SYNE2: variants seen among roughly 807,000 people sequenced by gnomAD.
SYNE2 encodes the protein spectrin repeat containing nuclear envelope protein 2, also known as nesprin-2.
Under a neutral mutation model 856.3 loss-of-function variants are expected in SYNE2, and 431 were observed. The ratio of observed to expected loss-of-function variants is 0.50; its 90% CI spans 0.47 to 0.55. SYNE2 has a LOEUF of 0.55. Ranked by LOEUF, SYNE2 falls within the 20% of genes least tolerant of loss-of-function variation. The pLI is 0.00. For synonymous variants in SYNE2, 2,923 were observed against 2,872.3 expected (o/e 1.02, Z -0.56); for missense variants, 8,129 against 8,023.2 (o/e 1.01, Z -0.50).
Position 64,212,791 on chromosome 14 carries a change from T to C in SYNE2, c.18862-20T>C, listed in dbSNP as rs1344379225. On this transcript the variant is annotated intron_variant, in intron 104 of 115. Transcript: ENST00000555002. ...CAGGGTAACTTTCTTTGAAATCCTT[T>C]CTTTCTCCTCTCTCAACAGGGCTTC... 1 of 1,613,244 alleles carries C rather than the reference T, an allele frequency of 6.2e-7. No homozygotes were observed. The highest frequency in any genetic ancestry group is 1.1e-5 in the South Asian group (1 of 91,074).
chr14:64,141,252 T>G (rs1482744807), intron 80 of SYNE2, 89 bp from the exon 81 acceptor site: 6 of 1,049,082 alleles, frequency 5.7e-6, no homozygotes, highest in Admixed American at 2.1e-5. Flanking sequence ...ATTTACTATG[T>G]TTATTTGTTG....
At chr14:63,910,413 TTATTG>T (rs1195103569) in intron 2 of SYNE2, among the ~76,000 whole-genome samples, 2 of 152,186 alleles carry the variant, frequency 1.3e-5, no homozygotes, top group African/African-American at 4.8e-5. Context: ...TTCAAAGTAA[TTATTG>T]TATACTTTGT....
At chr14:63,944,278 TTATATATATATATA>T (rs71123818) in intron 6 of SYNE2, among the ~76,000 whole-genome samples, 96,191 of 143,974 alleles carry the variant, frequency 0.67, 32,319 homozygotes, top group South Asian at 0.76. Flanking sequence ...TTCTGAATTT[TTATATATATATATA>T]TATATATATA....
intron 1 of SYNE2, among the ~76,000 whole-genome samples, chr14:63,773,164 T>C (rs925894139): frequency 6.6e-6 from 1 of 152,112 alleles, no homozygotes; most frequent in East Asian, 1.9e-4. Flanking sequence ...CTCCATTTTG[T>C]TATTATAAAT....
At chr14:63,854,753 T>C (rs1461657534) in intron 1 of SYNE2, among the ~76,000 whole-genome samples, 2 of 152,248 alleles carry the variant, frequency 1.3e-5, no homozygotes, top group African/African-American at 4.8e-5. Context: ...AGAAATTTTT[T>C]AGCATTTCAG....
chr14:64,066,622 T>G (rs1395905235), intron 51 of SYNE2, among the ~76,000 whole-genome samples: 1 of 152,246 alleles, frequency 6.6e-6, no homozygotes, highest in African/African-American at 2.4e-5. Context: ...GTGGTCCTGG[T>G]GAGGCCTGAC....
At chr14:63,921,096 C>T (rs150823672) in intron 2 of SYNE2, among the ~76,000 whole-genome samples, 4 of 151,706 alleles carry the variant, frequency 2.6e-5, no homozygotes, top group Admixed American at 6.6e-5. Context: ...GCCTGGGGGA[C>T]AGAGCGAGAC....
intron 1 of SYNE2, among the ~76,000 whole-genome samples, chr14:63,825,744 G>A (rs948928579): frequency 9.9e-5 from 15 of 151,932 alleles, no homozygotes; most frequent in African/African-American, 2.4e-4. Context: ...GAATGGTGGC[G>A]GGCGCCTGTA....
intron 1 of SYNE2, among the ~76,000 whole-genome samples, chr14:63,864,028 G>C (rs8009846): frequency 0.53 from 80,939 of 151,852 alleles, 22,912 homozygotes; most frequent in South Asian, 0.69. Context: ...AGCCAGGCTG[G>C]TCTCGAACTC....
intron 1 of SYNE2, among the ~76,000 whole-genome samples, chr14:63,819,024 AG>A (rs1889115640): frequency 6.6e-6 from 1 of 151,384 alleles, no homozygotes; most frequent in Admixed American, 6.6e-5. Context: ...ATATTGTACT[AG>A]GAGTTCTAGC....
intron 68 of SYNE2, among the ~76,000 whole-genome samples, chr14:64,121,723 C>A (rs564002590): frequency 6.6e-6 from 1 of 152,300 alleles, no homozygotes; most frequent in Non-Finnish European, 1.5e-5. Context: ...CAGCTGTCTT[C>A]AGGGTGAACT....
chr14:64,033,087 G>A (rs6573543), intron 45 of SYNE2, among the ~76,000 whole-genome samples: 120,906 of 152,152 alleles, frequency 0.79, 49,018 homozygotes, highest in Non-Finnish European at 0.88. Flanking sequence ...AGGATCACAT[G>A]AGCCCCGAAG....
At chr14:63,852,068 G>A (rs1890570596), upstream of SYNE2, among the ~76,000 whole-genome samples, 2 of 147,392 alleles carry the variant, frequency 1.4e-5, no homozygotes, top group South Asian at 2.2e-4. Flanking sequence ...AGGCTGCAGT[G>A]AGTTTAGATC....
chr14:64,214,577 G>C lies in SYNE2; in HGVS notation c.19333+107G>C, dbSNP rs374405913. 17 of 1,141,894 alleles carry C rather than the reference G, an allele frequency of 1.5e-5. No homozygotes were observed. In the African/African-American group the frequency reaches 2.3e-4, roughly 16 times the overall value. 70.7% of individuals were successfully genotyped at this position (1,141,894 alleles called of 1,614,324 possible). A position where few individuals can be genotyped will look rare whatever the true frequency, so the allele number is the denominator to read the frequency against. On this transcript the variant is annotated intron_variant, in intron 106 of 115. Transcript: ENST00000555002. ...ATGACCAAGAGTCCATCTTGTGGCC[G>C]ACCCTGACTTCTGTGGTTTCCTGTG...
At chr14:63,924,586 A>G (rs2095637388) in intron 2 of SYNE2, among the ~76,000 whole-genome samples, 2 of 152,142 alleles carry the variant, frequency 1.3e-5, no homozygotes, top group African/African-American at 4.8e-5. Context: ...CTTTTGTTAA[A>G]TCTATTGGTA....
chr14:64,101,880 A>G (rs2097732816), intron 63 of SYNE2, 52 bp from the exon 64 acceptor site: 3 of 1,386,610 alleles, frequency 2.2e-6, no homozygotes, highest in Non-Finnish European at 1.0e-6. Context: ...GGCACCGGTT[A>G]TGACAGTAAG....
intron 1 of SYNE2, among the ~76,000 whole-genome samples, chr14:63,891,338 AGAG>A (rs1046132397): frequency 6.6e-6 from 1 of 152,238 alleles, no homozygotes; most frequent in South Asian, 2.1e-4. Flanking sequence ...GACGAAGTGT[AGAG>A]AAGAGGCCAG....
At chr14:63,792,653 AT>A (rs1566569341) in intron 1 of SYNE2, among the ~76,000 whole-genome samples, 4 of 81,234 alleles carry the variant, frequency 4.9e-5, no homozygotes, top group African/African-American at 1.1e-4. Flanking sequence ...TGTTTTATTT[AT>A]TTGTTTGTTT....
At chr14:63,769,762 G>A (rs1329529387) in intron 1 of SYNE2, among the ~76,000 whole-genome samples, 1 of 151,366 alleles carries the variant, frequency 6.6e-6, no homozygotes, top group East Asian at 2.0e-4. Context: ...AGCTGAGTGT[G>A]GTGGCATGCA....
Sources: gnomAD v4.1 joint callset for allele counts (sites outside exome capture counted in the v4.1 genomes callset) on GRCh38, gnomAD v4.1.1 for gene constraint, MANE v1.5 for transcripts, NCBI Gene and HGNC (gene_info 2026-07-23, HGNC 2026-07-21) for gene names.